The following DLG2 variants were observed in gnomAD, a reference collection of about 807,000 sequenced individuals.
The protein encoded by DLG2 is discs large MAGUK scaffold protein 2.
Under a neutral mutation model 132.5 loss-of-function variants are expected in DLG2, and 45 were observed. The ratio of observed to expected loss-of-function variants is 0.34; its 90% CI spans 0.27 to 0.44. The LOEUF is 0.44. Ranked by LOEUF, DLG2 falls within the 20% of genes least tolerant of loss-of-function variation. The probability of loss-of-function intolerance (pLI) is 1.00; values close to 1 mark genes in which losing one functional copy is unlikely to be tolerated. For missense variants in DLG2, 1,045 were observed against 1,196.9 expected, an observed-to-expected ratio of 0.87 and a Z score of 1.87; for synonymous variants, 424 against 419.6, an observed-to-expected ratio of 1.01 and a Z score of -0.13.
intron 6 of DLG2, among the ~76,000 whole-genome samples, chr11:84,867,341 T>C (rs1446980621): frequency 6.6e-6 from 1 of 152,190 alleles, no homozygotes; most frequent in Non-Finnish European, 1.5e-5. Flanking sequence ...ATGGACTCCT[T>C]TAGCTTGTTG....
At chr11:84,115,413 A>AT (rs2093585757) in intron 9 of DLG2, among the ~76,000 whole-genome samples, 3 of 152,054 alleles carry the variant, frequency 2.0e-5, no homozygotes, top group Admixed American at 2.0e-4. Flanking sequence ...TGTGCACTCC[A>AT]TTCCCCTTAG....
chr11:84,823,806 T>C (rs1429817085), intron 6 of DLG2, among the ~76,000 whole-genome samples: 1 of 151,882 alleles, frequency 6.6e-6, no homozygotes, highest in East Asian at 1.9e-4. Flanking sequence ...TAGCTCATAG[T>C]AGATACTCAA....
At chr11:84,873,519 C>G (rs951486988) in intron 6 of DLG2, among the ~76,000 whole-genome samples, 1 of 152,132 alleles carries the variant, frequency 6.6e-6, no homozygotes, top group African/African-American at 2.4e-5. Flanking sequence ...TTTACCAAAG[C>G]CTTGAAAGGA....
At chr11:83,803,906 T>C (rs1454368309) in intron 17 of DLG2, among the ~76,000 whole-genome samples, 2 of 152,148 alleles carry the variant, frequency 1.3e-5, no homozygotes, top group Non-Finnish European at 2.9e-5. Flanking sequence ...ACTCAAACTC[T>C]GGCTGCTGCA....
At chr11:85,257,436 G>A (rs528072559) in intron 4 of DLG2, among the ~76,000 whole-genome samples, 11 of 152,318 alleles carry the variant, frequency 7.2e-5, no homozygotes, top group Admixed American at 5.9e-4. Flanking sequence ...GAGAGTCAAT[G>A]TTGAATTTTT....
At chr11:84,213,302 T>A (rs541007248) in intron 8 of DLG2, among the ~76,000 whole-genome samples, 1 of 152,260 alleles carries the variant, frequency 6.6e-6, no homozygotes, top group East Asian at 1.9e-4. Flanking sequence ...TGAGCCTGAC[T>A]TTGCTAGGAT....
chr11:85,078,071 A>G (rs1035678978), intron 6 of DLG2, among the ~76,000 whole-genome samples: 2 of 151,740 alleles, frequency 1.3e-5, no homozygotes, highest in African/African-American at 2.4e-5. Context: ...ACAAACATTC[A>G]TGGAACACCC....
At chr11:83,851,764 A>C (rs192570792) in intron 16 of DLG2, among the ~76,000 whole-genome samples, 3 of 151,728 alleles carry the variant, frequency 2.0e-5, no homozygotes, top group Admixed American at 2.0e-4. Context: ...TGCTAAAAAA[A>C]CAAAAATTAG....
At chr11:83,484,292 G>T in intron 21 of DLG2, 64 bp from the exon 22 acceptor site, 2 of 1,186,462 alleles carry the variant, frequency 1.7e-6, no homozygotes, top group South Asian at 1.3e-5. Context: ...CACTCATGCT[G>T]ACAAAACAAC....
At chr11:84,515,713 A>C (rs1373458796) in intron 7 of DLG2, among the ~76,000 whole-genome samples, 1 of 151,874 alleles carries the variant, frequency 6.6e-6, no homozygotes, top group African/African-American at 2.4e-5. Flanking sequence ...CATTGAACTC[A>C]AACTATACTC....
chr11:85,187,948 C>T (rs372886003), intron 4 of DLG2, among the ~76,000 whole-genome samples: 8 of 152,194 alleles, frequency 5.3e-5, no homozygotes, highest in African/African-American at 1.4e-4. Flanking sequence ...CGAAATGAGA[C>T]GGCCATAAAG....
At position 84,273,382 on chromosome 11, in the gene DLG2, T is replaced by C. The variant is rs1032803162; in HGVS notation, c.520-22091A>G. On this transcript the variant is annotated intron_variant, in intron 7 of 27. Transcript: ENST00000376104. Reference sequence around the variant, plus strand: ...TAATTAGATCTGCTACACAAACTGCTATCTTAAGACTTAAAAAAAAAGTTA... The same window carrying C: ...TAATTAGATCTGCTACACAAACTGCCATCTTAAGACTTAAAAAAAAAGTTA... 2.3e-6 allele frequency: 3 copies of C among 1,293,900 alleles called. No homozygotes were observed. The East Asian group carries it at 8.8e-5, about 38-fold the overall frequency. The allele number at this position is 1,293,900 out of a possible 1,614,324, so 80.2% of individuals were successfully genotyped here.
intron 18 of DLG2, among the ~76,000 whole-genome samples, chr11:83,649,821 A>G (rs184523579): frequency 7.7e-4 from 117 of 152,300 alleles, no homozygotes; most frequent in Non-Finnish European, 1.5e-3. Context: ...TGGCATTTCA[A>G]GAATGTCTGT....
intron 3 of DLG2, among the ~76,000 whole-genome samples, chr11:85,431,855 C>A (rs142240546): frequency 8.1e-4 from 123 of 152,306 alleles, no homozygotes; most frequent in African/African-American, 3.0e-3. Context: ...CTATGCCATC[C>A]AACTAGGTAA....
At chr11:83,693,481 G>A (rs2081343074) in intron 18 of DLG2, among the ~76,000 whole-genome samples, 1 of 152,052 alleles carries the variant, frequency 6.6e-6, no homozygotes, top group Admixed American at 6.6e-5. Context: ...AACGGCGAAG[G>A]CAGCTCTGTG....
rs1384451528 is a variant in DLG2 at position 85,241,919 on chromosome 11, A to T, written c.186+43301T>A. ...ACTGATACAACATTTCCAAGAAGCC[A>T]TGTCTCATAAATCCATAAATTATAG... On this transcript the variant is annotated intron_variant, in intron 4 of 27. Coordinates refer to ENST00000376104, the MANE Select transcript of DLG2 (RefSeq NM_001142699.3). Among the ~76,000 whole-genome samples the T allele has an allele frequency of 2.6e-5, 4 of 152,132 alleles. No homozygotes were observed. The East Asian group carries it at 5.8e-4, about 22-fold the overall frequency.
At chr11:84,750,050 A>G (rs1240125243) in intron 6 of DLG2, among the ~76,000 whole-genome samples, 1 of 152,206 alleles carries the variant, frequency 6.6e-6, no homozygotes, top group Non-Finnish European at 1.5e-5. Context: ...GCTCCTAAAT[A>G]TATGCCACCT....
intron 18 of DLG2, chr11:83,645,735 C>A (rs908562306): frequency 1.2e-4 from 19 of 152,064 alleles, no homozygotes; most frequent in Non-Finnish European, 2.9e-5. Context: ...GACTCAGAGC[C>A]TGGTGTCAAT....
chr11:85,218,968 C>A (rs992087691), intron 4 of DLG2, among the ~76,000 whole-genome samples: 2 of 152,070 alleles, frequency 1.3e-5, no homozygotes, highest in African/African-American at 4.8e-5. Flanking sequence ...ACAACAAAAC[C>A]AAATAGCAGA....
Sources: allele counts gnomAD v4.1 joint callset (sites outside exome capture counted in the v4.1 genomes callset), GRCh38; gene constraint gnomAD v4.1.1; transcripts MANE v1.5; gene names NCBI Gene and HGNC (gene_info 2026-07-23, HGNC 2026-07-21).